Variants in GAB2 observed in about 807,000 individuals in gnomAD.
GAB2 encodes GRB2 associated binding protein 2.
A neutral mutation model predicts 65.5 loss-of-function variants in GAB2; 26 were observed. That is an observed-to-expected ratio of 0.40 (90% CI 0.29 to 0.55). The LOEUF is 0.55. GAB2 is among the 20% of genes least tolerant of loss of function. The probability of loss-of-function intolerance (pLI) is 0.53; values close to 1 mark genes in which losing one functional copy is unlikely to be tolerated. For missense variants in GAB2, 884 were observed against 875.8 expected (o/e 1.01, Z -0.12); for synonymous variants, 321 against 329.6 (o/e 0.97, Z 0.28).
intron 1 of GAB2, among the ~76,000 whole-genome samples, chr11:78,357,741 T>A (rs1370169792): frequency 3.3e-5 from 5 of 152,018 alleles, no homozygotes; most frequent in Admixed American, 3.3e-4. Flanking sequence ...AAAACCACAA[T>A]GAGATACCAT....
chr11:78,238,056 G>A (rs1350170965), intron 3 of GAB2, among the ~76,000 whole-genome samples: 2 of 152,116 alleles, frequency 1.3e-5, no homozygotes, highest in Admixed American at 6.5e-5. Context: ...GGAGAACATC[G>A]AGAAGAATAG....
intron 1 of GAB2, among the ~76,000 whole-genome samples, chr11:78,375,605 A>G (rs547733170): frequency 9.2e-5 from 14 of 152,188 alleles, no homozygotes; most frequent in Non-Finnish European, 2.1e-4. Flanking sequence ...ACATCTTGAG[A>G]TTTACCCATT....
At chr11:78,382,300 G>C (rs765684161) in intron 1 of GAB2, among the ~76,000 whole-genome samples, 1 of 152,068 alleles carries the variant, frequency 6.6e-6, no homozygotes, top group Non-Finnish European at 1.5e-5. Context: ...TCCCCAGTGA[G>C]AGGCATCCTG....
intron 1 of GAB2, among the ~76,000 whole-genome samples, chr11:78,344,594 T>G (rs1257930089): frequency 6.6e-6 from 1 of 152,228 alleles, no homozygotes; most frequent in Non-Finnish European, 1.5e-5. Context: ...ATGACTATAG[T>G]GTTGCAAAGA....
At chr11:78,350,011 G>A (rs10899483) in intron 1 of GAB2, among the ~76,000 whole-genome samples, 10 of 151,864 alleles carry the variant, frequency 6.6e-5, no homozygotes, top group Non-Finnish European at 1.2e-4. Flanking sequence ...AATTGCACAC[G>A]TCCTCATTCT....
chr11:78,236,094 C>T (rs1006226655), intron 3 of GAB2, among the ~76,000 whole-genome samples: 1 of 152,172 alleles, frequency 6.6e-6, no homozygotes, highest in African/African-American at 2.4e-5. Context: ...ACATCACTCT[C>T]CATATTTAGG....
chr11:78,294,943 T>A (rs953044218), intron 1 of GAB2, among the ~76,000 whole-genome samples: 2 of 151,916 alleles, frequency 1.3e-5, no homozygotes. Context: ...ACCATCAGAG[T>A]GAACAGGCAA....
At chr11:78,381,594 A>G (rs186116776) in intron 1 of GAB2, among the ~76,000 whole-genome samples, 126 of 152,294 alleles carry the variant, frequency 8.3e-4, no homozygotes, top group Non-Finnish European at 1.5e-3. Context: ...TTATTTCCCT[A>G]GAAGCCTGTT....
intron 1 of GAB2, among the ~76,000 whole-genome samples, chr11:78,329,921 G>C (rs1239027157): frequency 6.6e-6 from 1 of 152,208 alleles, no homozygotes; most frequent in Non-Finnish European, 1.5e-5. Context: ...CAGGCAGTCT[G>C]CCAATTACTT....
chr11:78,314,161 G>T (rs1377714219), intron 1 of GAB2, among the ~76,000 whole-genome samples: 1 of 152,150 alleles, frequency 6.6e-6, no homozygotes, highest in Non-Finnish European at 1.5e-5. Flanking sequence ...CTTGACATAG[G>T]GCTCGCATGT....
At chr11:78,237,996 G>A in intron 3 of GAB2, among the ~76,000 whole-genome samples, 1 of 152,146 alleles carries the variant, frequency 6.6e-6, no homozygotes, top group Non-Finnish European at 1.5e-5. Context: ...ATGGACACCT[G>A]GGGGTGGGTG....
intron 1 of GAB2, 30 bp from the exon 2 acceptor site, chr11:78,280,931 G>T: frequency 6.4e-7 from 1 of 1,566,434 alleles, no homozygotes; most frequent in Non-Finnish European, 8.8e-7. Context: ...AGTAAGAAGA[G>T]GGGGAAGAAG....
At chr11:78,369,121 G>A (rs562736859) in intron 1 of GAB2, among the ~76,000 whole-genome samples, 2 of 146,296 alleles carry the variant, frequency 1.4e-5, no homozygotes, top group Admixed American at 1.4e-4. Flanking sequence ...CTGGGTGACA[G>A]AGTGACAGAG....
At chr11:78,259,577 C>CA (rs142010967) in intron 2 of GAB2, among the ~76,000 whole-genome samples, 4,231 of 152,242 alleles carry the variant, frequency 0.028, 190 homozygotes, top group African/African-American at 0.089. Flanking sequence ...GATTAAGTCT[C>CA]AAAGGCCTTT....
At chr11:78,318,772 T>A (rs1313034783) in intron 1 of GAB2, among the ~76,000 whole-genome samples, 1 of 152,114 alleles carries the variant, frequency 6.6e-6, no homozygotes, top group Non-Finnish European at 1.5e-5. Context: ...GAAACTGGCA[T>A]AAAAGTTAAT....
intron 2 of GAB2, among the ~76,000 whole-genome samples, chr11:78,263,248 G>A (rs770385094): frequency 6.6e-6 from 1 of 152,176 alleles, no homozygotes; most frequent in African/African-American, 2.4e-5. Flanking sequence ...GAGCCCATTA[G>A]TATTATTATA....
At chr11:78,296,189 T>C (rs539280504) in intron 1 of GAB2, among the ~76,000 whole-genome samples, 1 of 152,152 alleles carries the variant, frequency 6.6e-6, no homozygotes, top group South Asian at 2.1e-4. Context: ...GCTGCTCACC[T>C]CCTGCTGTGA....
intron 1 of GAB2, among the ~76,000 whole-genome samples, chr11:78,288,783 C>G (rs1435857168): frequency 6.6e-6 from 1 of 152,184 alleles, no homozygotes; most frequent in African/African-American, 2.4e-5. Context: ...CAATTCCCAT[C>G]AAAATCCCAC....
chr11:78,336,437 G>A (rs943839848), intron 1 of GAB2, among the ~76,000 whole-genome samples: 10 of 127,714 alleles, frequency 7.8e-5, no homozygotes, highest in African/African-American at 2.9e-4. Context: ...TGCTGATTTT[G>A]TATCCTGCAA....
Sources: allele counts gnomAD v4.1 joint callset (sites outside exome capture counted in the v4.1 genomes callset), GRCh38; gene constraint gnomAD v4.1.1; transcripts MANE v1.5; gene names NCBI Gene and HGNC (gene_info 2026-07-23, HGNC 2026-07-21).